IL34: variants seen among roughly 807,000 people sequenced by gnomAD.
IL34 encodes interleukin 34, also known as interleukin-34.
IL34 carries 17 observed loss-of-function variants against 25.3 expected under a neutral mutation model. The ratio of observed to expected loss-of-function variants is 0.67; its 90% CI spans 0.46 to 1.01. IL34 has a LOEUF of 1.01. Ranked by LOEUF, IL34 falls within the 50% of genes least tolerant of loss-of-function variation. The probability of loss-of-function intolerance (pLI) is 0.00; values close to 1 mark genes in which losing one functional copy is unlikely to be tolerated. For synonymous variants in IL34, 174 were observed against 140.9 expected (o/e 1.23, Z -1.66); for missense variants, 368 against 312.9 (o/e 1.18, Z -1.33).
intron 4 of IL34, among the ~76,000 whole-genome samples, chr16:70,659,196 A>T (rs956375741): frequency 6.6e-6 from 1 of 152,188 alleles, no homozygotes; most frequent in Non-Finnish European, 1.5e-5. Context: ...TGCCCTGTGT[A>T]TGTGACTTAA....
At chr16:70,647,705 G>A (rs1319798066) in intron 1 of IL34, among the ~76,000 whole-genome samples, 1 of 152,184 alleles carries the variant, frequency 6.6e-6, no homozygotes, top group African/African-American at 2.4e-5. Context: ...CCAACGCCTG[G>A]CACAGGGTTG....
chr16:70,628,250 A>G, intron 1 of IL34, among the ~76,000 whole-genome samples: 1 of 152,158 alleles, frequency 6.6e-6, no homozygotes. Context: ...TTATACATTA[A>G]CTTCAGAGAA....
intron 1 of IL34, among the ~76,000 whole-genome samples, chr16:70,609,637 G>A (rs1388287777): frequency 6.6e-6 from 1 of 152,210 alleles, no homozygotes; most frequent in Non-Finnish European, 1.5e-5. Context: ...CCAGAGACAG[G>A]TGCACTGAGG....
chr16:70,630,568 C>T (rs1056464312), intron 1 of IL34, among the ~76,000 whole-genome samples: 10 of 151,544 alleles, frequency 6.6e-5, no homozygotes, highest in South Asian at 2.1e-4. Flanking sequence ...CTCTCCTCTC[C>T]TCTTCTTTCT....
At chr16:70,609,513 G>A (rs1398144240) in intron 1 of IL34, among the ~76,000 whole-genome samples, 2 of 152,066 alleles carry the variant, frequency 1.3e-5, no homozygotes, top group Admixed American at 1.3e-4. Flanking sequence ...GGGGCTTCCA[G>A]GATAAATTAA....
At chr16:70,653,709 G>T (rs989335929) in intron 1 of IL34, among the ~76,000 whole-genome samples, 7 of 152,062 alleles carry the variant, frequency 4.6e-5, no homozygotes, top group African/African-American at 1.7e-4. Flanking sequence ...AATTATATCT[G>T]ATTGTTTTAA....
rs558742486 is a variant in IL34 at position 70,646,738 on chromosome 16, C to T, written c.-210C>T. The T allele has an allele frequency of 2.0e-6, 1 of 499,066 alleles. No individual in the cohort carries two copies. Among genetic ancestry groups the T allele is most frequent in the African/African-American group, 2.0e-5 (1 of 49,384 alleles). 30.9% of individuals were successfully genotyped at this position (499,066 alleles called of 1,614,324 possible). ...GGGACTTGCGGCCACCGCCCCCCGGCTGTCCTCCACGCTGCCGGGCAGATA... is the reference window on the plus strand; with the variant it reads ...GGGACTTGCGGCCACCGCCCCCCGGTTGTCCTCCACGCTGCCGGGCAGATA... On this transcript the variant is annotated 5_prime_UTR_variant, in exon 1 of 6. Transcript: ENST00000288098.
At chr16:70,582,239 G>C (rs1655330383) in intron 1 of IL34, among the ~76,000 whole-genome samples, 1 of 152,220 alleles carries the variant, frequency 6.6e-6, no homozygotes, top group Admixed American at 6.5e-5. Flanking sequence ...GCCTCCCTCT[G>C]GGGGACCCCC....
rs2051936883 is a variant in IL34, at chr16:70,646,627, C to T, written c.-321C>T. The T allele has an allele frequency of 5.3e-6, 2 of 380,152 alleles. No homozygotes were observed. Among genetic ancestry groups the T allele is most frequent in the East Asian group, 8.3e-5 (2 of 24,234 alleles). 23.5% of individuals were successfully genotyped at this position (380,152 alleles called of 1,614,324 possible). ...CAGCCCCAGATTCCGAGGGGCCTGC[C>T]AGGGACTCTCTCCTCCTGCTCCTTG... On this transcript the variant is annotated 5_prime_UTR_variant, in exon 1 of 6. Transcript: ENST00000288098.
intron 1 of IL34, among the ~76,000 whole-genome samples, chr16:70,601,611 G>A (rs1162340743): frequency 6.6e-6 from 1 of 152,176 alleles, no homozygotes; most frequent in East Asian, 1.9e-4. Context: ...TGTTGCCCAG[G>A]CTGGTCTTGA....
intron 1 of IL34, among the ~76,000 whole-genome samples, chr16:70,606,158 A>G (rs2051000903): frequency 6.6e-6 from 1 of 151,904 alleles, no homozygotes; most frequent in Admixed American, 6.6e-5. Context: ...GCACGTTGGG[A>G]GGCCAAGACA....
At chr16:70,601,705 TC>T (rs1209304447) in intron 1 of IL34, among the ~76,000 whole-genome samples, 6 of 152,112 alleles carry the variant, frequency 3.9e-5, no homozygotes. Context: ...CTGGCCCCAA[TC>T]CCTTTTTAAT....
At chr16:70,659,215 G>C (rs1440403612) in intron 4 of IL34, among the ~76,000 whole-genome samples, 1 of 152,190 alleles carries the variant, frequency 6.6e-6, no homozygotes, top group East Asian at 1.9e-4. Context: ...AAGCCTCAGT[G>C]TCTCTGTGAG....
chr16:70,657,309 G>A (rs1008074176), intron 4 of IL34, 188 bp downstream of exon 4: 12 of 615,754 alleles, frequency 1.9e-5, no homozygotes, highest in African/African-American at 5.6e-5. Flanking sequence ...AGAGGCAGCC[G>A]TGGTGGTCAT....
chr16:70,622,696 A>G (rs2051307555), intron 1 of IL34, among the ~76,000 whole-genome samples: 1 of 152,112 alleles, frequency 6.6e-6, no homozygotes. Flanking sequence ...AGTCCGGGCC[A>G]GGAACAATGG....
intron 1 of IL34, among the ~76,000 whole-genome samples, chr16:70,635,652 T>C (rs896288383): frequency 6.6e-6 from 1 of 152,214 alleles, no homozygotes; most frequent in African/African-American, 2.4e-5. Flanking sequence ...CTTTCTTGCC[T>C]TCTTTCACAA....
At chr16:70,605,509 C>T (rs774885354) in intron 1 of IL34, among the ~76,000 whole-genome samples, 24 of 152,108 alleles carry the variant, frequency 1.6e-4, no homozygotes, top group Non-Finnish European at 3.5e-4. Context: ...TTAAACAACT[C>T]CTCTTCCCTT....
chr16:70,655,976 A>C (rs2052208398), intron 2 of IL34, among the ~76,000 whole-genome samples: 1 of 152,236 alleles, frequency 6.6e-6, no homozygotes, highest in Non-Finnish European at 1.5e-5. Context: ...AAGAGTTTTT[A>C]GTTCACAGAG....
At chr16:70,624,739 C>G (rs2051354022) in intron 1 of IL34, among the ~76,000 whole-genome samples, 1 of 151,786 alleles carries the variant, frequency 6.6e-6, no homozygotes, top group Non-Finnish European at 1.5e-5. Flanking sequence ...AAACTATAAG[C>G]CAGACAGGGT....
Sources: allele counts gnomAD v4.1 joint callset (sites outside exome capture counted in the v4.1 genomes callset), GRCh38; gene constraint gnomAD v4.1.1; transcripts MANE v1.5; gene names NCBI Gene and HGNC (gene_info 2026-07-23, HGNC 2026-07-21).